Variants in APP observed in about 807,000 individuals in gnomAD.
APP encodes amyloid-beta precursor protein.
A neutral mutation model predicts 101.4 loss-of-function variants in APP; 31 were observed. That is an observed-to-expected ratio of 0.31 (90% CI 0.23 to 0.41). The LOEUF (loss-of-function observed/expected upper bound fraction) is 0.41, where lower values mean the gene tolerates loss of function less well. Among genes scored for constraint, APP ranks in the 10% least tolerant of loss-of-function variants. The pLI is 1.00. For missense variants in APP, 839 were observed against 1,003.7 expected, an observed-to-expected ratio of 0.84 and a Z score of 2.22; for synonymous variants, 366 against 364.4, an observed-to-expected ratio of 1.00 and a Z score of -0.05.
chr21:26,089,873 G>C, intron 3 of APP, 70 bp downstream of exon 3: 1 of 1,607,576 alleles, frequency 6.2e-7, no homozygotes, highest in Non-Finnish European at 8.5e-7. Flanking sequence ...GACCTAACAG[G>C]AGCATCCTCT....
chr21:26,018,313 C>T (rs1458083664), intron 6 of APP, among the ~76,000 whole-genome samples: 1 of 152,132 alleles, frequency 6.6e-6, no homozygotes, highest in Non-Finnish European at 1.5e-5. Flanking sequence ...ACACTGAAAA[C>T]AAGATTGTAA....
chr21:26,033,037 G>A (rs1420775976), intron 5 of APP, among the ~76,000 whole-genome samples: 3 of 151,610 alleles, frequency 2.0e-5, no homozygotes, highest in African/African-American at 7.3e-5. Flanking sequence ...AGGTAAACTG[G>A]GACATGATGA....
intron 9 of APP, among the ~76,000 whole-genome samples, chr21:25,978,381 C>A (rs916427119): frequency 1.3e-5 from 2 of 152,162 alleles, no homozygotes; most frequent in Non-Finnish European, 2.9e-5. Context: ...TTTACAAAAT[C>A]TATCTAATTT....
At chr21:26,119,998 T>C (rs2062529022) in intron 1 of APP, among the ~76,000 whole-genome samples, 1 of 152,256 alleles carries the variant, frequency 6.6e-6, no homozygotes, top group South Asian at 2.1e-4. Context: ...TCTTCATTTT[T>C]GGTACAAGAG....
At chr21:25,889,964 G>A (rs1192054934) in intron 17 of APP, among the ~76,000 whole-genome samples, 1 of 152,170 alleles carries the variant, frequency 6.6e-6, no homozygotes, top group Non-Finnish European at 1.5e-5. Flanking sequence ...ATCTTTATTT[G>A]CTCAAATATG....
intron 5 of APP, among the ~76,000 whole-genome samples, chr21:26,028,453 G>C (rs2044678770): frequency 6.6e-6 from 1 of 152,088 alleles, no homozygotes; most frequent in African/African-American, 2.4e-5. Context: ...GATGAGGCAG[G>C]AATATCCACA....
intron 2 of APP, among the ~76,000 whole-genome samples, chr21:26,099,811 T>C (rs997705239): frequency 6.6e-6 from 1 of 152,216 alleles, no homozygotes; most frequent in African/African-American, 2.4e-5. Context: ...GAAACGCTAC[T>C]GCAATAATGG....
At chr21:25,906,285 T>C (rs2146300628) in intron 14 of APP, among the ~76,000 whole-genome samples, 2 of 152,374 alleles carry the variant, frequency 1.3e-5, no homozygotes, top group East Asian at 3.9e-4. Context: ...CTTTCTCATG[T>C]AGAGACTGGC....
At chr21:26,162,053 C>T (rs542385903) in intron 1 of APP, among the ~76,000 whole-genome samples, 32 of 152,176 alleles carry the variant, frequency 2.1e-4, no homozygotes, top group Non-Finnish European at 2.8e-4. Flanking sequence ...ATTGGCCAGG[C>T]ACAATAGCTC....
intron 13 of APP, among the ~76,000 whole-genome samples, chr21:25,948,094 T>C (rs949833513): frequency 6.6e-6 from 1 of 151,496 alleles, no homozygotes; most frequent in East Asian, 1.9e-4. Context: ...AGTCATTTCT[T>C]ATGAAAAACA....
At chr21:26,042,263 C>CGG (rs2045406298) in intron 5 of APP, among the ~76,000 whole-genome samples, 2 of 152,176 alleles carry the variant, frequency 1.3e-5, no homozygotes, top group Non-Finnish European at 2.9e-5. Context: ...GCCTCTCTTT[C>CGG]TCTCTCACCT....
intron 7 of APP, 35 bp from the exon 8 acceptor site, chr21:25,997,451 A>T (rs778404325): frequency 6.4e-7 from 1 of 1,562,106 alleles, no homozygotes; most frequent in African/African-American, 1.4e-5. Context: ...ACTAAAAACA[A>T]AAAGAGAAAC....
At chr21:25,918,610 A>C (rs1464719106) in intron 13 of APP, among the ~76,000 whole-genome samples, 1 of 151,946 alleles carries the variant, frequency 6.6e-6, no homozygotes, top group African/African-American at 2.4e-5. Context: ...GAGTCAAAGA[A>C]AGGGGTGACA....
intron 9 of APP, among the ~76,000 whole-genome samples, chr21:25,981,694 A>C (rs2042435449): frequency 6.7e-6 from 1 of 149,102 alleles, no homozygotes; most frequent in Admixed American, 6.8e-5. Flanking sequence ...AAAAAAAAAC[A>C]AACCAAACCA....
chr21:25,909,297 A>T (rs2074808792), intron 14 of APP, among the ~76,000 whole-genome samples: 1 of 151,758 alleles, frequency 6.6e-6, no homozygotes, highest in South Asian at 2.1e-4. Flanking sequence ...AAATTGCTTA[A>T]GTGGCTTTTT....
At chr21:26,003,715 T>C (rs900787077) in intron 6 of APP, among the ~76,000 whole-genome samples, 4 of 152,188 alleles carry the variant, frequency 2.6e-5, no homozygotes, top group African/African-American at 9.6e-5. Flanking sequence ...ATAGGCCTTC[T>C]CTTAACATGC....
chr21:26,061,677 C>A (rs2046269093), intron 3 of APP, among the ~76,000 whole-genome samples: 1 of 152,196 alleles, frequency 6.6e-6, no homozygotes, highest in South Asian at 2.1e-4. Flanking sequence ...TAAAAAGTGG[C>A]TGTTGCCGTC....
chr21:25,930,966 A>G (rs1379297683), intron 13 of APP, among the ~76,000 whole-genome samples: 2 of 152,228 alleles, frequency 1.3e-5, no homozygotes, highest in Non-Finnish European at 2.9e-5. Flanking sequence ...CAGGAGTGAG[A>G]GAAGCTGAAA....
chr21:26,021,100 T>C (rs2044317356), intron 6 of APP, among the ~76,000 whole-genome samples: 2 of 143,090 alleles, frequency 1.4e-5, no homozygotes, highest in Non-Finnish European at 3.0e-5. Context: ...CAGGCTGGAG[T>C]GCAATGGTGT....
Sources: allele counts gnomAD v4.1 joint callset (sites outside exome capture counted in the v4.1 genomes callset), GRCh38; gene constraint gnomAD v4.1.1; transcripts MANE v1.5; gene names NCBI Gene and HGNC (gene_info 2026-07-23, HGNC 2026-07-21).